Variants in PARD3 observed in about 807,000 individuals in gnomAD.
PARD3 encodes the protein par-3 family cell polarity regulator.
In PARD3, 75 loss-of-function variants were observed where a neutral mutation model predicts 155.4. The observed-to-expected ratio is 0.48, with a 90% CI of 0.40 to 0.58. PARD3 has a LOEUF of 0.58. PARD3 is among the 20% of genes least tolerant of loss of function. PARD3 has a pLI of 0.00. For synonymous variants in PARD3, 576 were observed against 610.5 expected, an observed-to-expected ratio of 0.94 and a Z score of 0.83; for missense variants, 1,642 against 1,721.7, an observed-to-expected ratio of 0.95 and a Z score of 0.82.
At chr10:34,157,320 T>C (rs934273503) in intron 22 of PARD3, among the ~76,000 whole-genome samples, 2 of 152,164 alleles carry the variant, frequency 1.3e-5, no homozygotes, top group African/African-American at 4.8e-5. Context: ...TAGCTGTTTG[T>C]TTACTGGACT....
chr10:34,632,024 G>A (rs182222265), intron 2 of PARD3, among the ~76,000 whole-genome samples: 53 of 152,294 alleles, frequency 3.5e-4, no homozygotes, highest in African/African-American at 1.3e-3. Flanking sequence ...GCTCACGCCT[G>A]TAATCCCAGC....
intron 1 of PARD3, among the ~76,000 whole-genome samples, chr10:34,710,382 T>TA (rs2094432911): frequency 6.6e-6 from 1 of 152,212 alleles, no homozygotes; most frequent in Admixed American, 6.5e-5. Context: ...CGTGCAGTTT[T>TA]AAATATTTAT....
chr10:34,568,968 G>A (rs2086172774), intron 2 of PARD3, among the ~76,000 whole-genome samples: 1 of 152,024 alleles, frequency 6.6e-6, no homozygotes, highest in African/African-American at 2.4e-5. Context: ...ACTCACTAAG[G>A]TTATTGATAT....
intron 22 of PARD3, among the ~76,000 whole-genome samples, chr10:34,190,951 A>T (rs993950888): frequency 2.6e-5 from 4 of 151,946 alleles, no homozygotes; most frequent in Non-Finnish European, 5.9e-5. Flanking sequence ...GAATGCGGGG[A>T]GGAGAGGAGA....
intron 3 of PARD3, among the ~76,000 whole-genome samples, chr10:34,480,862 C>T (rs1430870211): frequency 4.2e-5 from 6 of 141,702 alleles, no homozygotes; most frequent in South Asian, 4.4e-4. Flanking sequence ...AGTGCAGTGG[C>T]GCGATATCGG....
At position 34,315,978 on chromosome 10, in the gene PARD3, G is replaced by A. The variant is rs112049574; in HGVS notation, c.3065+1129C>T. ...CTACAGAACACATCTGTTGAGCTGT[G>A]TAGCCTTCAGGCTGGGCCATGGTTC... On this transcript the variant is annotated intron_variant, in intron 20 of 24. Transcript: ENST00000374788. Among the ~76,000 whole-genome samples, 845 of 152,272 alleles carry A rather than the reference G, an allele frequency of 5.5e-3. 6 individuals carry two copies. The highest frequency in any genetic ancestry group is 0.019 in the African/African-American group (801 of 41,550).
intron 9 of PARD3, among the ~76,000 whole-genome samples, chr10:34,379,234 A>G (rs540888589): frequency 2.0e-5 from 3 of 152,274 alleles, no homozygotes; most frequent in Admixed American, 2.0e-4. Flanking sequence ...TAAGTGAACA[A>G]AAAAGGGTGA....
At chr10:34,351,224 G>T (rs1208808701) in intron 14 of PARD3, among the ~76,000 whole-genome samples, 1 of 151,882 alleles carries the variant, frequency 6.6e-6, no homozygotes, top group Non-Finnish European at 1.5e-5. Context: ...ACTGGTGATT[G>T]GCAAGATCAT....
At chr10:34,634,301 G>C (rs1249432096) in intron 2 of PARD3, among the ~76,000 whole-genome samples, 2 of 152,146 alleles carry the variant, frequency 1.3e-5, no homozygotes, top group Non-Finnish European at 2.9e-5. Context: ...AAGATATACT[G>C]GCAGAACAGT....
intron 7 of PARD3, among the ~76,000 whole-genome samples, chr10:34,388,104 GGAA>G (rs1842526937): frequency 6.6e-6 from 1 of 152,108 alleles, no homozygotes. Context: ...GATAGAGGGT[GGAA>G]GAAGACTGCA....
At chr10:34,712,788 G>A (rs1263282978) in intron 1 of PARD3, among the ~76,000 whole-genome samples, 1 of 152,046 alleles carries the variant, frequency 6.6e-6, no homozygotes, top group Admixed American at 6.6e-5. Context: ...AAGGGAGGGT[G>A]AGGAGATGGT....
chr10:34,240,081 T>G (rs1186444786), intron 22 of PARD3, among the ~76,000 whole-genome samples: 1 of 152,190 alleles, frequency 6.6e-6, no homozygotes, highest in Non-Finnish European at 1.5e-5. Flanking sequence ...GTCTAATTCC[T>G]TTAGGTTGTT....
intron 2 of PARD3, among the ~76,000 whole-genome samples, chr10:34,666,777 T>TCA (rs1554804561): frequency 0.021 from 352 of 17,014 alleles, 27 homozygotes; most frequent in African/African-American, 0.034. Context: ...CCCCTCCCCC[T>TCA]AAAAAAAAAA....
chr10:34,314,232 A>C (rs909280153), intron 20 of PARD3, among the ~76,000 whole-genome samples: 1 of 152,052 alleles, frequency 6.6e-6, no homozygotes, highest in Admixed American at 6.5e-5. Flanking sequence ...AATCAACCTG[A>C]GGGTATATTC....
chr10:34,281,191 C>T (rs1307083970), intron 21 of PARD3, among the ~76,000 whole-genome samples: 1 of 152,110 alleles, frequency 6.6e-6, no homozygotes, highest in Non-Finnish European at 1.5e-5. Flanking sequence ...CTAAACCTTT[C>T]ATGTGGTGGA....
At chr10:34,677,563 A>G in intron 2 of PARD3, among the ~76,000 whole-genome samples, 1 of 152,192 alleles carries the variant, frequency 6.6e-6, no homozygotes, top group East Asian at 1.9e-4. Flanking sequence ...TTGATGACAT[A>G]TTAAGTGTCC....
At chr10:34,683,684 G>A (rs1590630243) in intron 2 of PARD3, among the ~76,000 whole-genome samples, 1 of 151,964 alleles carries the variant, frequency 6.6e-6, no homozygotes, top group Non-Finnish European at 1.5e-5. Flanking sequence ...AAGTCTTGAG[G>A]GCTTTCGCTA....
chr10:34,505,914 T>C (rs2081031669), intron 3 of PARD3, among the ~76,000 whole-genome samples: 1 of 152,040 alleles, frequency 6.6e-6, no homozygotes, highest in East Asian at 1.9e-4. Context: ...AGGCTTGAGG[T>C]CAGGAGTTCG....
chr10:34,337,482 T>C (rs1258492747), intron 16 of PARD3, 56 bp from the exon 17 acceptor site: 13 of 1,219,278 alleles, frequency 1.1e-5, no homozygotes, highest in Non-Finnish European at 1.4e-5. Context: ...CACGCATCCA[T>C]TTTAGGGAGG....
Sources: allele counts gnomAD v4.1 joint callset (sites outside exome capture counted in the v4.1 genomes callset), GRCh38; gene constraint gnomAD v4.1.1; transcripts MANE v1.5; gene names NCBI Gene and HGNC (gene_info 2026-07-23, HGNC 2026-07-21).